PDS5B: variants seen among roughly 807,000 people sequenced by gnomAD.
PDS5B encodes sister chromatid cohesion protein PDS5 homolog B.
PDS5B carries 51 observed loss-of-function variants against 184.1 expected under a neutral mutation model. The ratio of observed to expected loss-of-function variants is 0.28; its 90% CI spans 0.22 to 0.35. PDS5B has a LOEUF of 0.35. Among genes scored for constraint, PDS5B ranks in the 10% least tolerant of loss-of-function variants. The pLI, the probability that PDS5B is intolerant of heterozygous loss-of-function variation, is 1.00. For synonymous variants in PDS5B, 566 were observed against 569.2 expected (o/e 0.99, Z 0.08); for missense variants, 1,180 against 1,723.3 (o/e 0.68, Z 5.58).
rs1188889827 is a variant in PDS5B at position 32,656,392 on chromosome 13, A to G, written c.313-1847A>G. ...TGAAGAATGTTCTTGGTAGTTTGATAGGAATAGCATTTAATTCAGTAAATT... is the reference window on the plus strand; with the variant it reads ...TGAAGAATGTTCTTGGTAGTTTGATGGGAATAGCATTTAATTCAGTAAATT... On this transcript the variant is annotated intron_variant, in intron 3 of 34. Coordinates refer to ENST00000315596, the MANE Select transcript of PDS5B (RefSeq NM_015032.4). 2.8e-5 allele frequency among the ~76,000 whole-genome samples: 4 copies of G among 145,448 alleles called. 1 individual carries two copies. The Admixed American group carries it at 2.9e-4, about 10-fold the overall frequency.
At chr13:32,763,894 G>A (rs1954495522) in intron 30 of PDS5B, among the ~76,000 whole-genome samples, 1 of 152,150 alleles carries the variant, frequency 6.6e-6, no homozygotes, top group Non-Finnish European at 1.5e-5. Context: ...GAGATTTAGA[G>A]TTCAACAACA....
intron 2 of PDS5B, chr13:32,649,178 C>T (rs1315726356): frequency 4.4e-6 from 1 of 225,278 alleles, no homozygotes; most frequent in Non-Finnish European, 8.6e-6. Flanking sequence ...TGTCTCCTTT[C>T]TTCTATATAG....
At chr13:32,647,683 T>C (rs903863982) in intron 1 of PDS5B, among the ~76,000 whole-genome samples, 3 of 152,254 alleles carry the variant, frequency 2.0e-5, no homozygotes, top group Non-Finnish European at 4.4e-5. Context: ...AAAAATCTTC[T>C]AGTTTAGTCT....
At chr13:32,686,581 C>T (rs1488303992) in intron 11 of PDS5B, among the ~76,000 whole-genome samples, 2 of 152,050 alleles carry the variant, frequency 1.3e-5, no homozygotes, top group Admixed American at 6.6e-5. Flanking sequence ...GCCAGGAGTT[C>T]GAGACCAGCC....
At chr13:32,597,835 C>G (rs1320629682) in intron 1 of PDS5B, among the ~76,000 whole-genome samples, 2 of 148,212 alleles carry the variant, frequency 1.3e-5, no homozygotes, top group African/African-American at 5.0e-5. Flanking sequence ...GACAGCGAGA[C>G]TCTGTCTCAA....
intron 34 of PDS5B, among the ~76,000 whole-genome samples, chr13:32,774,771 A>G (rs1954902429): frequency 6.6e-6 from 1 of 152,182 alleles, no homozygotes; most frequent in African/African-American, 2.4e-5. Flanking sequence ...AAATTATTAG[A>G]TAGAAAAGTA....
At chr13:32,598,143 T>A (rs140647522) in intron 1 of PDS5B, among the ~76,000 whole-genome samples, 2,955 of 151,676 alleles carry the variant, frequency 0.019, 80 homozygotes, top group African/African-American at 0.061. Flanking sequence ...TGGTGTGATC[T>A]TGGCGCACTG....
chr13:32,701,449 A>G lies in PDS5B; in HGVS notation c.1856+11A>G, dbSNP rs763278929. On this transcript the variant is annotated intron_variant, in intron 17 of 34. Transcript: ENST00000315596. ...TACCGAATCTATCAGGTATTTGTAT[A>G]TAAAATACTAAGTTCTCATTGCTGT... The G allele has an allele frequency of 3.4e-6, 5 of 1,460,652 alleles. No individual in the cohort carries two copies. The highest frequency in any genetic ancestry group is 2.3e-5 in the East Asian group (1 of 43,992). The allele number at this position is 1,460,652 out of a possible 1,614,324, so 90.5% of individuals were successfully genotyped here.
chr13:32,748,702 C>T (rs1953853473), intron 24 of PDS5B, among the ~76,000 whole-genome samples: 1 of 151,888 alleles, frequency 6.6e-6, no homozygotes, highest in Admixed American at 6.6e-5. Context: ...TCTTTCTTGA[C>T]ATGTAGAGCC....
chr13:32,623,558 T>G (rs2058330799), intron 1 of PDS5B, among the ~76,000 whole-genome samples: 1 of 152,172 alleles, frequency 6.6e-6, no homozygotes, highest in African/African-American at 2.4e-5. Flanking sequence ...GCAAAGGCAA[T>G]TAGCTTGTGA....
intron 19 of PDS5B, among the ~76,000 whole-genome samples, chr13:32,714,028 G>A (rs1448270738): frequency 2.0e-5 from 3 of 152,160 alleles, no homozygotes; most frequent in East Asian, 1.9e-4. Flanking sequence ...TCACAAATTG[G>A]TAGGATCCGT....
At chr13:32,601,151 A>C (rs1047787176) in intron 1 of PDS5B, among the ~76,000 whole-genome samples, 1 of 152,108 alleles carries the variant, frequency 6.6e-6, no homozygotes, top group African/African-American at 2.4e-5. Flanking sequence ...TCATGATCAG[A>C]TCTCCAGTTT....
intron 1 of PDS5B, among the ~76,000 whole-genome samples, chr13:32,620,742 G>T (rs2058288596): frequency 6.6e-6 from 1 of 151,958 alleles, no homozygotes; most frequent in East Asian, 1.9e-4. Context: ...GTTTCAACAT[G>T]AAGAATGGTG....
At chr13:32,741,397 C>T (rs1034766028) in intron 22 of PDS5B, among the ~76,000 whole-genome samples, 2 of 152,068 alleles carry the variant, frequency 1.3e-5, no homozygotes, top group Non-Finnish European at 2.9e-5. Flanking sequence ...TGGCAAAAGG[C>T]AGTGCTAGTT....
intron 1 of PDS5B, among the ~76,000 whole-genome samples, chr13:32,644,924 C>T (rs1344644030): frequency 6.6e-6 from 1 of 152,116 alleles, no homozygotes; most frequent in Non-Finnish European, 1.5e-5. Context: ...TATATTGCTG[C>T]ATTTGGTTTC....
intron 11 of PDS5B, 103 bp from the exon 12 acceptor site, chr13:32,687,031 A>T: frequency 1.2e-6 from 1 of 836,396 alleles, no homozygotes; most frequent in Non-Finnish European, 1.9e-6. Context: ...GACTTAAAAA[A>T]ATGTATAAAG....
chr13:32,756,015 C>A, intron 26 of PDS5B, 59 bp downstream of exon 26: 1 of 799,106 alleles, frequency 1.3e-6, no homozygotes, highest in Non-Finnish European at 2.1e-6. Context: ...CTCCTTAATG[C>A]TGATAATTGG....
intron 1 of PDS5B, among the ~76,000 whole-genome samples, chr13:32,608,527 C>T (rs2058095790): frequency 6.6e-6 from 1 of 152,068 alleles, no homozygotes; most frequent in Non-Finnish European, 1.5e-5. Context: ...GAGTCTGGTG[C>T]TAGACTTGAA....
chr13:32,605,151 T>C (rs1036282622), intron 1 of PDS5B, among the ~76,000 whole-genome samples: 2 of 152,218 alleles, frequency 1.3e-5, no homozygotes, highest in African/African-American at 4.8e-5. Flanking sequence ...GTTCTTTTAA[T>C]TGTGATGTTA....
Sources: gnomAD v4.1 joint callset for allele counts (sites outside exome capture counted in the v4.1 genomes callset) on GRCh38, gnomAD v4.1.1 for gene constraint, MANE v1.5 for transcripts, NCBI Gene and HGNC (gene_info 2026-07-23, HGNC 2026-07-21) for gene names.